Variants in MADCAM1 observed in about 807,000 individuals in gnomAD.
The protein encoded by MADCAM1 is mucosal addressin cell adhesion molecule 1.
Under a neutral mutation model 26.1 loss-of-function variants are expected in MADCAM1, and 19 were observed. The observed-to-expected ratio is 0.73, with a 90% confidence interval of 0.51 to 1.07. The LOEUF (loss-of-function observed/expected upper bound fraction) is 1.07. Among genes scored for constraint, MADCAM1 ranks in the 50% least tolerant of loss-of-function variants. The probability of loss-of-function intolerance (pLI) is 0.00; values close to 1 mark genes in which losing one functional copy is unlikely to be tolerated. For synonymous variants in MADCAM1, 268 were observed against 260.9 expected (o/e 1.03, Z -0.26); for missense variants, 514 against 542.1 (o/e 0.95, Z 0.51).
At position 497,857 on chromosome 19, in the gene MADCAM1, T is replaced by C. The variant is rs1201114951; in HGVS notation, c.77T>C (p.Leu26Pro). ...GGCCAGTCCCTCCAGGTGAAGCCCCTGCAGGTGGAGCCCCCGGAGCCGGTG... is the reference window on the plus strand; with the variant it reads ...GGCCAGTCCCTCCAGGTGAAGCCCCCGCAGGTGGAGCCCCCGGAGCCGGTG... ...LLGQSLQVKP[L>P]QVEPPEPVVA... Residue 26 changes from leucine (L) to proline (P), a missense_variant, in exon 2 of 5, where the codon CTG becomes CCG. Coordinates refer to ENST00000215637, the MANE Select transcript of MADCAM1 (RefSeq NM_130760.3). 3.7e-6 allele frequency: 5 copies of C among 1,333,810 alleles called. No individual in the cohort carries two copies. Among genetic ancestry groups the C allele is most frequent in the Non-Finnish European group, 4.8e-6 (5 of 1,049,954 alleles). 82.6% of individuals were successfully genotyped at this position (1,333,810 alleles called of 1,614,324 possible).
chr19:497,987 G>C lies in MADCAM1; in HGVS notation c.207G>C (p.Ala69=). 1 of 1,498,640 alleles carries C rather than the reference G, an allele frequency of 6.7e-7. No homozygotes were observed. Among genetic ancestry groups the C allele is most frequent in the Non-Finnish European group, 8.8e-7 (1 of 1,130,090 alleles). 92.8% of individuals were successfully genotyped at this position (1,498,640 alleles called of 1,614,324 possible). The change falls in exon 2 of 5, where the codon GCG becomes GCC. Residue 69 remains alanine (A), a synonymous_variant. Coordinates refer to ENST00000215637, the MANE Select transcript of MADCAM1 (RefSeq NM_130760.3). ...QWRGLDTSLG[A]VQSDTGRSVL... is the part of the protein sequence containing the mutation. ...GGGGCCTGGACACCAGCCTGGGCGC[G>C]GTGCAGTCGGACACGGGCCGCAGCG...
Position 504,893 on chromosome 19 carries a change from G to A in MADCAM1, c.1077G>A (p.Leu359=). The A allele has an allele frequency of 6.2e-7, 1 of 1,612,792 alleles. No individual in the cohort carries two copies. Among genetic ancestry groups the A allele is most frequent in the Middle Eastern group, 1.7e-4 (1 of 6,060 alleles). ...AEDDTHPPAS[L]RLLPQVSAWA... is the part of the protein sequence containing the mutation. ...ACGACACCCACCCACCAGCTTCTCTGAGGCTTCTGCCCCAGGTGTCGGCCT... is the reference window on the plus strand; with the variant it reads ...ACGACACCCACCCACCAGCTTCTCTAAGGCTTCTGCCCCAGGTGTCGGCCT... Residue 359 remains leucine, a synonymous_variant, in exon 5 of 5, where the codon CTG becomes CTA. Transcript: ENST00000215637.
At chr19:504,669 C>T in intron 4 of MADCAM1, 76 bp from the exon 5 acceptor site, 1 of 1,066,976 alleles carries the variant, frequency 9.4e-7, no homozygotes, top group South Asian at 1.5e-5. Context: ...CGTGTAGCCT[C>T]TGAGGGGCTC....
intron 4 of MADCAM1, among the ~76,000 whole-genome samples, chr19:504,255 C>CATTT (rs1270034691): frequency 3.4e-5 from 3 of 88,148 alleles, no homozygotes; most frequent in Non-Finnish European, 4.5e-5. Flanking sequence ...CCGGTCTGCC[C>CATTT]TTTTTTTTTT....
chr19:503,369 C>G (rs937896660), intron 4 of MADCAM1, among the ~76,000 whole-genome samples: 1 of 150,948 alleles, frequency 6.6e-6, no homozygotes, highest in Non-Finnish European at 1.5e-5. Flanking sequence ...ATCACGAGGT[C>G]AGGAGATCGA....
intron 1 of MADCAM1, among the ~76,000 whole-genome samples, chr19:497,319 G>T (rs1978290634): frequency 1.6e-5 from 1 of 63,766 alleles, no homozygotes; most frequent in Non-Finnish European, 3.2e-5. Flanking sequence ...GAGGGGGTTC[G>T]GAAGAGAAGG....
chr19:501,997 A>C (rs1358251598), intron 4 of MADCAM1, 68 bp downstream of exon 4: 1 of 1,385,962 alleles, frequency 7.2e-7, no homozygotes, highest in Non-Finnish European at 9.4e-7. Context: ...TTGGATGAAG[A>C]CTTTAGACAA....
At chr19:498,352 G>T (rs1213122939) in intron 2 of MADCAM1, 144 bp from the exon 3 acceptor site, 21 of 985,320 alleles carry the variant, frequency 2.1e-5, no homozygotes, top group Non-Finnish European at 2.6e-5. Context: ...CACGGGGCCT[G>T]CGCACAGGCC....
intron 4 of MADCAM1, among the ~76,000 whole-genome samples, chr19:502,795 T>TA (rs527334165): frequency 3.9e-4 from 60 of 152,354 alleles, no homozygotes; most frequent in African/African-American, 1.4e-3. Context: ...GGGTCGCCCT[T>TA]ACTGCTGTGT....
Position 501,552 on chromosome 19 carries a change from A to G in MADCAM1, c.668-117A>G, listed in dbSNP as rs1229455733. Reference sequence around the variant, plus strand: ...GAAATGTGACTCACCAGAGTGGTCCAGGGAAGGGGCTTGGAGGGGTTCTGG... The same window carrying G: ...GAAATGTGACTCACCAGAGTGGTCCGGGGAAGGGGCTTGGAGGGGTTCTGG... On this transcript the variant is annotated intron_variant, in intron 3 of 4. Transcript: ENST00000215637. The G allele has an allele frequency of 1.7e-5, 14 of 822,874 alleles. No individual in the cohort carries two copies. The East Asian group carries it at 4.1e-4, about 24-fold the overall frequency. 51.0% of individuals were successfully genotyped at this position (822,874 alleles called of 1,614,324 possible).
At chr19:498,860 T>C in intron 3 of MADCAM1, 35 bp downstream of exon 3, 1 of 1,065,968 alleles carries the variant, frequency 9.4e-7, no homozygotes, top group Non-Finnish European at 1.2e-6. Context: ...ACCCACCCGC[T>C]CGCCAGCCTT....
At position 502,076 on chromosome 19, in the gene MADCAM1, G is replaced by A. The variant is rs540019529; in HGVS notation, c.928+147G>A. ...CAGTTTCCCCGTCTGCCCAGCCTCG[G>A]TTTCCCCATCTGCCCAGCCTCGGTT... is the stretch of plus-strand genomic sequence containing the variant. On this transcript the variant is annotated intron_variant, in intron 4 of 4. Transcript: ENST00000215637. The A allele has an allele frequency of 6.3e-5, 59 of 942,512 alleles. No individual in the cohort carries two copies. The African/African-American group carries it at 9.6e-4, about 15-fold the overall frequency. 58.4% of individuals were successfully genotyped at this position (942,512 alleles called of 1,614,324 possible). A position where few individuals can be genotyped will look rare whatever the true frequency, so the allele number is the denominator to read the frequency against.
intron 3 of MADCAM1, among the ~76,000 whole-genome samples, chr19:500,825 G>A (rs979806692): frequency 1.3e-5 from 2 of 151,880 alleles, no homozygotes; most frequent in Non-Finnish European, 2.9e-5. Context: ...AGCCGAGATC[G>A]CACCATTGCA....
intron 4 of MADCAM1, among the ~76,000 whole-genome samples, chr19:502,283 T>C (rs188609478): frequency 1.1e-3 from 161 of 152,208 alleles, no homozygotes; most frequent in Non-Finnish European, 1.4e-3. Flanking sequence ...GCAGAAACAA[T>C]GCGGCCACAT....
At position 498,757 on chromosome 19, in the gene MADCAM1, C is replaced by G; in HGVS notation, c.599C>G (p.Pro200Arg). The G allele has an allele frequency of 6.7e-7, 1 of 1,493,720 alleles. No individual in the cohort carries two copies. Among genetic ancestry groups the G allele is most frequent in the Non-Finnish European group, 8.8e-7 (1 of 1,131,582 alleles). The allele number at this position is 1,493,720 out of a possible 1,614,324, so 92.5% of individuals were successfully genotyped here. The change falls in exon 3 of 5, where the codon CCC (proline) becomes CGC (arginine). Residue 200 changes from proline (P) to arginine (R), a missense_variant. Physicochemically the swap from Pro to Arg is moderately radical, Grantham distance 103. Around this residue, in one of 3 missense-constraint regions of MADCAM1, gnomAD observed 317 missense variants for 313.6 expected, o/e 1.01. Coordinates refer to ENST00000215637, the MANE Select transcript of MADCAM1 (RefSeq NM_130760.3). The part of the protein sequence containing the change: ...RLPPLGTPVP[P>R]ALYCQATMRL... ...CCGCCCCTGGGGACCCCTGTCCCGC[C>G]CGCCCTCTACTGCCAGGCCACGATG... is the stretch of plus-strand genomic sequence containing the variant.
intron 1 of MADCAM1, among the ~76,000 whole-genome samples, chr19:497,354 C>CCGGGAGAGAGGAGGGGGCT (rs1376458480): frequency 4.0e-5 from 1 of 25,262 alleles, no homozygotes; most frequent in African/African-American, 2.6e-4. Flanking sequence ...GGGAGGGGGC[C>CCGGGAGAGAGGAGGGGGCT]CGGGGGAGAG....
chr19:499,540 GCA>G (rs1370608059), intron 3 of MADCAM1, among the ~76,000 whole-genome samples: 1 of 152,176 alleles, frequency 6.6e-6, no homozygotes, highest in Non-Finnish European at 1.5e-5. Context: ...AGGCACACAG[GCA>G]CACGCGTGTA....
intron 4 of MADCAM1, among the ~76,000 whole-genome samples, chr19:502,519 C>T (rs1978395408): frequency 6.6e-6 from 1 of 152,090 alleles, no homozygotes; most frequent in Non-Finnish European, 1.5e-5. Context: ...CCACGCTGGT[C>T]TCCAACTCCT....
At chr19:503,404 A>G (rs1295304595) in intron 4 of MADCAM1, among the ~76,000 whole-genome samples, 3 of 151,182 alleles carry the variant, frequency 2.0e-5, no homozygotes, top group East Asian at 2.0e-4. Context: ...ACACGGTGAA[A>G]CCCCGTCTCC....
Sources: allele counts gnomAD v4.1 joint callset (sites outside exome capture counted in the v4.1 genomes callset), GRCh38; gene constraint gnomAD v4.1.1; regional missense constraint gnomAD v4.1.1; transcripts MANE v1.5; gene names NCBI Gene and HGNC (gene_info 2026-07-23, HGNC 2026-07-21).